ERCC6: variants seen among roughly 807,000 people sequenced by gnomAD.
The protein encoded by ERCC6 is ERCC excision repair 6, chromatin remodeling factor.
A neutral mutation model predicts 158.7 loss-of-function variants in ERCC6; 116 were observed. That is an observed-to-expected ratio of 0.73 (90% CI 0.63 to 0.85). The LOEUF (loss-of-function observed/expected upper bound fraction) is 0.85, where lower values mean the gene tolerates loss of function less well. ERCC6 is among the 40% of genes least tolerant of loss of function. The pLI is 0.00. For synonymous variants in ERCC6, 678 were observed against 659.3 expected (o/e 1.03, Z -0.43); for missense variants, 1,698 against 1,799.4 (o/e 0.94, Z 1.02).
the ERCC6 span, among the ~76,000 whole-genome samples, chr10:49,436,014 AAG>A: frequency 0.022 from 421 of 18,948 alleles, 1 homozygote; most frequent in Middle Eastern, 0.14. Context: ...AAAAGAAAGA[AAG>A]AAAAAAAAAA....
At chr10:49,459,357 T>C in intron 20 of ERCC6, 123 bp from the exon 21 acceptor site, 1 of 926,666 alleles carries the variant, frequency 1.1e-6, no homozygotes, top group South Asian at 1.4e-5. Flanking sequence ...GTTGACAGGG[T>C]GAGACTGAGA....
At chr10:49,465,459 C>G (rs376559145) in intron 18 of ERCC6, among the ~76,000 whole-genome samples, 2 of 152,218 alleles carry the variant, frequency 1.3e-5, no homozygotes, top group East Asian at 3.9e-4. Context: ...TGAGTTGAGA[C>G]TTTAGGGGAC....
At position 49,473,502 on chromosome 10, in the gene ERCC6, T is replaced by G. The variant is rs765994765; in HGVS notation, c.2684A>C (p.Gln895Pro). 2 of 1,611,392 alleles carry G rather than the reference T, an allele frequency of 1.2e-6. No homozygotes were observed. The part of the protein sequence containing the change: ...MDGTTTIASR[Q>P]PLITRYNEDT... Reference sequence around the variant, plus strand: ...CTCATTGTATCTCGTAATCAGTGGCTGTCTTGAAGCTATTGTAGTGGTACC... The same window carrying G: ...CTCATTGTATCTCGTAATCAGTGGCGGTCTTGAAGCTATTGTAGTGGTACC... Residue 895 changes from glutamine to proline, a missense_variant, in exon 14 of 21, where the codon CAG becomes CCG. Physicochemically the swap from Gln to Pro is moderately conservative, Grantham distance 76 (BLOSUM62 -1). Coordinates refer to ENST00000355832, the MANE Select transcript of ERCC6 (RefSeq NM_000124.4).
intron 5 of ERCC6, among the ~76,000 whole-genome samples, chr10:49,517,912 G>C (rs1590461433): frequency 6.6e-6 from 1 of 152,294 alleles, no homozygotes; most frequent in East Asian, 1.9e-4. Context: ...TTGTATTTAG[G>C]TTTCTGGATA....
In ERCC6 at chr10:49,493,587, G is replaced by C. The variant is rs1590429111; in HGVS notation, c.1686-335C>G. On this transcript the variant is annotated intron_variant, in intron 7 of 20. Coordinates refer to ENST00000355832, the MANE Select transcript of ERCC6 (RefSeq NM_000124.4). ...TTCCCTTCTACTACAGATTAGTGAA[G>C]TTTTTATACAGTGTATCTTAACCTA... Among the ~76,000 whole-genome samples, 3 of 152,284 alleles carry C rather than the reference G, an allele frequency of 2.0e-5. No homozygotes were observed. In the South Asian group the frequency reaches 6.2e-4, roughly 32 times the overall value.
chr10:49,491,944 A>T (rs1851180282), intron 8 of ERCC6, among the ~76,000 whole-genome samples: 1 of 152,240 alleles, frequency 6.6e-6, no homozygotes, highest in East Asian at 1.9e-4. Context: ...GTTTGACTAG[A>T]CAACAATCTA....
At chr10:49,536,079 G>C (rs1837590088) in intron 1 of ERCC6, among the ~76,000 whole-genome samples, 2 of 152,196 alleles carry the variant, frequency 1.3e-5, no homozygotes, top group Admixed American at 1.3e-4. Flanking sequence ...TCACACCGCA[G>C]AACTCCAGCC....
chr10:49,515,131 G>T, intron 5 of ERCC6: 1 of 1,228,418 alleles, frequency 8.1e-7, no homozygotes, highest in Non-Finnish European at 1.0e-6. Context: ...TATGTCTGAG[G>T]TTACAATTTT....
intron 7 of ERCC6, among the ~76,000 whole-genome samples, chr10:49,493,913 C>T (rs747872525): frequency 6.6e-6 from 1 of 152,238 alleles, no homozygotes; most frequent in Non-Finnish European, 1.5e-5. Flanking sequence ...GAAGCCCACA[C>T]CGACAGTGTA....
chr10:49,472,352 A>C (rs572849358), intron 16 of ERCC6, 24 bp downstream of exon 16: 3 of 1,605,072 alleles, frequency 1.9e-6, no homozygotes, highest in Non-Finnish European at 2.6e-6. Flanking sequence ...CGCACAGCCA[A>C]GAGTGGCCAC....
intron 5 of ERCC6, 128 bp from the exon 6 acceptor site, chr10:49,506,140 AT>A: frequency 1.0e-6 from 1 of 995,638 alleles, no homozygotes; most frequent in Non-Finnish European, 1.5e-6. Flanking sequence ...TGCTGCCATT[AT>A]TACCCAAAAC....
intron 1 of ERCC6, among the ~76,000 whole-genome samples, chr10:49,537,146 C>T (rs1043024691): frequency 1.3e-5 from 2 of 152,014 alleles, no homozygotes; most frequent in Admixed American, 1.3e-4. Context: ...AAGTTCGAGA[C>T]CAGCCTGACC....
intron 5 of ERCC6, among the ~76,000 whole-genome samples, chr10:49,513,542 T>G (rs1161341971): frequency 1.3e-5 from 2 of 152,188 alleles, no homozygotes; most frequent in Non-Finnish European, 2.9e-5. Context: ...GGAAAGAGGT[T>G]TAATTGACTC....
At chr10:49,470,139 T>A in intron 18 of ERCC6, 43 bp downstream of exon 18, 1 of 1,576,114 alleles carries the variant, frequency 6.3e-7, no homozygotes, top group South Asian at 1.1e-5. Flanking sequence ...CTACTCATTT[T>A]CTAATCCTAG....
Position 49,505,874 on chromosome 10 carries a change from T to G in ERCC6, c.1526+10A>C. 2.5e-6 allele frequency: 4 copies of G among 1,612,898 alleles called. No individual in the cohort carries two copies. The highest frequency in any genetic ancestry group is 3.4e-6 in the Non-Finnish European group (4 of 1,179,320). Reference sequence around the variant, plus strand: ...TAGCAAATAGAAAGGAAAGAACATATGGTACATACTTAAAAAGCTTTTTGA... The same window carrying G: ...TAGCAAATAGAAAGGAAAGAACATAGGGTACATACTTAAAAAGCTTTTTGA... On this transcript the variant is annotated intron_variant, in intron 6 of 20. Transcript: ENST00000355832.
chr10:49,530,737 G>T lies in ERCC6; in HGVS notation c.526C>A (p.Arg176=), dbSNP rs771781694. Residue 176 remains arginine (R), a synonymous_variant, in exon 3 of 21, where the codon CGA becomes AGA. Coordinates refer to ENST00000355832, the MANE Select transcript of ERCC6 (RefSeq NM_000124.4). The part of the protein sequence containing the change: ...DINRKLDSVK[R]QKYNKEQQLK... ...TGAATCACCTTATTATACTTCTGTCGTTTTACAGAATCTAGTTTCCTGTTG... is the reference window on the plus strand; with the variant it reads ...TGAATCACCTTATTATACTTCTGTCTTTTTACAGAATCTAGTTTCCTGTTG... 5 of 1,613,294 alleles carry T rather than the reference G, an allele frequency of 3.1e-6. No individual in the cohort carries two copies. Among genetic ancestry groups the T allele is most frequent in the Non-Finnish European group, 4.2e-6 (5 of 1,179,774 alleles).
the ERCC6 span, among the ~76,000 whole-genome samples, chr10:49,443,241 T>A: frequency 6.6e-6 from 1 of 152,210 alleles, no homozygotes; most frequent in African/African-American, 2.4e-5. Context: ...AATTAAGTGT[T>A]TATAAACTGA....
intron 3 of ERCC6, among the ~76,000 whole-genome samples, chr10:49,528,814 G>A (rs111658469): frequency 2.0e-5 from 3 of 152,190 alleles, no homozygotes; most frequent in African/African-American, 7.2e-5. Context: ...TTAAATACAT[G>A]GGCACTGACC....
Position 49,464,744 on chromosome 10 carries a change from C to T in ERCC6, c.3779-3188G>A, listed in dbSNP as rs193207336. Among the ~76,000 whole-genome samples, 712 of 152,340 alleles carry T rather than the reference C, an allele frequency of 4.7e-3. 5 individuals carry two copies. Among genetic ancestry groups the T allele is most frequent in the African/African-American group, 0.016 (645 of 41,572 alleles). ...GCTCAGGCTGTGGCTTCAGATGGTG[C>T]AAGCCCCAAGCCTTGGGAGCTTCCA... is the stretch of plus-strand genomic sequence containing the variant. On this transcript the variant is annotated intron_variant, in intron 18 of 20. Transcript: ENST00000355832.
Sources: allele counts gnomAD v4.1 joint callset (sites outside exome capture counted in the v4.1 genomes callset), GRCh38; gene constraint gnomAD v4.1.1; transcripts MANE v1.5; gene names NCBI Gene and HGNC (gene_info 2026-07-23, HGNC 2026-07-21).